Variants in JAZF1 observed in about 807,000 individuals in gnomAD.
The protein encoded by JAZF1 is juxtaposed with another zinc finger protein 1.
A neutral mutation model predicts 26.4 loss-of-function variants in JAZF1; 8 were observed. The observed-to-expected ratio is 0.30, with a 90% CI of 0.18 to 0.55. The LOEUF (loss-of-function observed/expected upper bound fraction) is 0.55, where lower values mean the gene tolerates loss of function less well. JAZF1 is among the 20% of genes least tolerant of loss of function. The probability of loss-of-function intolerance (pLI) is 0.94; values close to 1 mark genes in which losing one functional copy is unlikely to be tolerated. For missense variants in JAZF1, 199 were observed against 322.0 expected (o/e 0.62, Z 2.92); for synonymous variants, 126 against 122.3 (o/e 1.03, Z -0.20).
chr7:28,120,501 C>CTTTTTCTTTT (rs1782582535), intron 1 of JAZF1, among the ~76,000 whole-genome samples: 1 of 59,004 alleles, frequency 1.7e-5, no homozygotes, highest in African/African-American at 6.8e-5. Context: ...ACACACAGTT[C>CTTTTTCTTTT]TTTTTTTTTT....
rs770640806 is a variant in JAZF1, at chr7:27,831,765, T to C, written c.*1035A>G. On this transcript the variant is annotated 3_prime_UTR_variant, in exon 5 of 5. Coordinates refer to ENST00000283928, the MANE Select transcript of JAZF1 (RefSeq NM_175061.4). ...GGGGTCTTAACAAAAGTGTTCATCT[T>C]TGAAACGTGCTTAGAATTTTAGTTC... 4.5e-6 allele frequency: 1 copy of C among 223,892 alleles called. No homozygotes were observed. Among genetic ancestry groups the C allele is most frequent in the Non-Finnish European group, 8.9e-6 (1 of 112,044 alleles). The allele number at this position is 223,892 out of a possible 1,614,324, so 13.9% of individuals were successfully genotyped here.
At chr7:27,981,138 G>A (rs948948617) in intron 2 of JAZF1, among the ~76,000 whole-genome samples, 4 of 152,116 alleles carry the variant, frequency 2.6e-5, no homozygotes, top group African/African-American at 9.7e-5. Context: ...CACTATACAT[G>A]TCTACTTCTC....
At chr7:27,979,808 C>A (rs973109555) in intron 2 of JAZF1, among the ~76,000 whole-genome samples, 3 of 152,042 alleles carry the variant, frequency 2.0e-5, no homozygotes, top group Non-Finnish European at 4.4e-5. Context: ...TCTTTCCTAT[C>A]GATTGGAGAT....
At chr7:27,886,983 A>C (rs1430304257) in intron 3 of JAZF1, among the ~76,000 whole-genome samples, 3 of 152,342 alleles carry the variant, frequency 2.0e-5, no homozygotes, top group African/African-American at 7.2e-5. Flanking sequence ...CATCATCCTT[A>C]GGAAGCTAAC....
At chr7:28,001,680 G>A (rs986019642) in intron 1 of JAZF1, among the ~76,000 whole-genome samples, 1 of 152,158 alleles carries the variant, frequency 6.6e-6, no homozygotes, top group Non-Finnish European at 1.5e-5. Context: ...AATGCAGATT[G>A]GGTCACATCA....
chr7:28,094,580 A>G (rs1042547502), intron 1 of JAZF1, among the ~76,000 whole-genome samples: 6 of 152,092 alleles, frequency 3.9e-5, no homozygotes, highest in Non-Finnish European at 7.4e-5. Context: ...ATCTGCTGAA[A>G]AGCAGCCATT....
chr7:28,101,265 A>G (rs1000121417), intron 1 of JAZF1, among the ~76,000 whole-genome samples: 1 of 152,184 alleles, frequency 6.6e-6, no homozygotes, highest in African/African-American at 2.4e-5. Context: ...CAGCTTTTCA[A>G]TGTTTTAGCT....
At chr7:27,931,397 C>T (rs1466348661) in intron 2 of JAZF1, among the ~76,000 whole-genome samples, 2 of 152,108 alleles carry the variant, frequency 1.3e-5, no homozygotes, top group African/African-American at 4.8e-5. Flanking sequence ...AAGCTGTATC[C>T]TAAAAAAACA....
At chr7:27,843,092 G>A (rs1782953956) in intron 3 of JAZF1, 1 of 152,298 alleles carries the variant, frequency 6.6e-6, no homozygotes, top group African/African-American at 2.4e-5. Context: ...CCTGCAAGTT[G>A]GAACACTTCT....
chr7:28,063,065 G>A lies in JAZF1; in HGVS notation c.116-71084C>T, dbSNP rs576573535. Among the ~76,000 whole-genome samples the A allele has an allele frequency of 9.9e-5, 15 of 152,266 alleles. No individual in the cohort carries two copies. The South Asian group carries it at 3.1e-3, about 32-fold the overall frequency. On this transcript the variant is annotated intron_variant, in intron 1 of 4. Transcript: ENST00000283928. ...ATTTTATTCTTTGCTTATATCATAT[G>A]AAAAAATTCCAAGCTCAGCACCTTG...
At chr7:28,018,263 T>G (rs1782932451) in intron 1 of JAZF1, among the ~76,000 whole-genome samples, 1 of 152,162 alleles carries the variant, frequency 6.6e-6, no homozygotes, top group Non-Finnish European at 1.5e-5. Context: ...GGAAATGTGC[T>G]GGGTGCATGG....
At chr7:28,153,341 T>C (rs779612186) in intron 1 of JAZF1, among the ~76,000 whole-genome samples, 2 of 152,124 alleles carry the variant, frequency 1.3e-5, no homozygotes, top group Non-Finnish European at 2.9e-5. Flanking sequence ...TTAGCAACAA[T>C]GTATTTTATA....
At chr7:27,917,660 G>A (rs1388932021) in intron 2 of JAZF1, among the ~76,000 whole-genome samples, 1 of 152,174 alleles carries the variant, frequency 6.6e-6, no homozygotes, top group Non-Finnish European at 1.5e-5. Flanking sequence ...GACTTTTGAT[G>A]TTTGCTGAGA....
At chr7:27,948,300 T>C (rs191652406) in intron 2 of JAZF1, among the ~76,000 whole-genome samples, 87 of 152,292 alleles carry the variant, frequency 5.7e-4, no homozygotes, top group Non-Finnish European at 9.7e-4. Context: ...AGCTTATCAT[T>C]GCAAACACAG....
At chr7:28,099,586 C>T (rs1784438957) in intron 1 of JAZF1, among the ~76,000 whole-genome samples, 2 of 152,186 alleles carry the variant, frequency 1.3e-5, no homozygotes, top group African/African-American at 2.4e-5. Context: ...AAGCATTTCT[C>T]CTGCCTCAGC....
intron 3 of JAZF1, among the ~76,000 whole-genome samples, chr7:27,871,488 G>T (rs1034598988): frequency 1.3e-5 from 2 of 152,148 alleles, no homozygotes; most frequent in Non-Finnish European, 2.9e-5. Flanking sequence ...CAGACAATAA[G>T]GAAAGTACTT....
At chr7:27,990,193 C>A (rs180864848) in intron 2 of JAZF1, among the ~76,000 whole-genome samples, 1 of 152,154 alleles carries the variant, frequency 6.6e-6, no homozygotes, top group African/African-American at 2.4e-5. Flanking sequence ...GACAGAAAAC[C>A]AAACACCGCA....
intron 2 of JAZF1, among the ~76,000 whole-genome samples, chr7:27,972,874 C>T (rs565998227): frequency 5.4e-4 from 82 of 150,804 alleles, no homozygotes; most frequent in Non-Finnish European, 9.0e-4. Context: ...TATACATATA[C>T]GTATATATCT....
At chr7:27,940,483 C>T (rs1053047214) in intron 2 of JAZF1, among the ~76,000 whole-genome samples, 3 of 152,208 alleles carry the variant, frequency 2.0e-5, no homozygotes, top group Admixed American at 2.0e-4. Context: ...GCCGTCTCAG[C>T]AGTCAGCCCG....
Sources: allele counts gnomAD v4.1 joint callset (sites outside exome capture counted in the v4.1 genomes callset), GRCh38; gene constraint gnomAD v4.1.1; transcripts MANE v1.5; gene names NCBI Gene and HGNC (gene_info 2026-07-23, HGNC 2026-07-21).